The following CNTN6 variants were observed in gnomAD, a reference collection of about 807,000 sequenced individuals.
The protein encoded by CNTN6 is contactin 6, also known as contactin-6.
A neutral mutation model predicts 122.8 loss-of-function variants in CNTN6; 137 were observed. The ratio of observed to expected loss-of-function variants is 1.12; its 90% CI spans 0.97 to 1.29. The LOEUF is 1.29. CNTN6 is among the 50% of genes most tolerant of loss of function. The pLI, the probability that CNTN6 is intolerant of heterozygous loss-of-function variation, is 0.00. For missense variants in CNTN6, 1,634 were observed against 1,223.4 expected (o/e 1.34, Z -5.01); for synonymous variants, 570 against 426.0 (o/e 1.34, Z -4.16).
At chr3:1,394,011 G>A (rs1694645561) in intron 20 of CNTN6, among the ~76,000 whole-genome samples, 1 of 152,058 alleles carries the variant, frequency 6.6e-6, no homozygotes, top group African/African-American at 2.4e-5. Context: ...AGCACTGGGT[G>A]GATCTGATTG....
intron 4 of CNTN6, among the ~76,000 whole-genome samples, chr3:1,250,662 C>A (rs1368339381): frequency 6.6e-6 from 1 of 152,128 alleles, no homozygotes; most frequent in Non-Finnish European, 1.5e-5. Flanking sequence ...CGTATCTGAA[C>A]CCACTTCCCA....
At chr3:1,390,906 A>T (rs896647806) in intron 20 of CNTN6, among the ~76,000 whole-genome samples, 15 of 151,012 alleles carry the variant, frequency 9.9e-5, no homozygotes, top group Non-Finnish European at 1.3e-4. Context: ...AAATTGTGGC[A>T]ATAATCAATA....
chr3:1,206,008 TCTC>T (rs2093952939), intron 2 of CNTN6, among the ~76,000 whole-genome samples: 1 of 152,188 alleles, frequency 6.6e-6, no homozygotes, highest in South Asian at 2.1e-4. Flanking sequence ...TTAATAGTTT[TCTC>T]CTCTTTACAT....
chr3:1,195,744 C>T (rs2093767688), intron 2 of CNTN6, among the ~76,000 whole-genome samples: 1 of 152,122 alleles, frequency 6.6e-6, no homozygotes, highest in African/African-American at 2.4e-5. Flanking sequence ...ACTCTTGTGG[C>T]TATTTTGACA....
At chr3:1,173,409 T>G (rs970241291) in intron 2 of CNTN6, 1 of 388,796 alleles carries the variant, frequency 2.6e-6, no homozygotes, top group Admixed American at 3.2e-5. Flanking sequence ...CGTGAATTAT[T>G]TCATTTAATC....
In CNTN6 at chr3:1,295,449, C is replaced by T. The variant is rs537450490; in HGVS notation, c.455-152C>T. 185 of 614,420 alleles carry T rather than the reference C, an allele frequency of 3.0e-4. No homozygotes were observed. In the East Asian group the frequency reaches 4.7e-3, roughly 16 times the overall value. The allele number at this position is 614,420 out of a possible 1,614,324, so 38.1% of individuals were successfully genotyped here. A position where few individuals can be genotyped will look rare whatever the true frequency, so the allele number is the denominator to read the frequency against. On this transcript the variant is annotated intron_variant, in intron 5 of 22. Transcript: ENST00000446702. Reference sequence around the variant, plus strand: ...TATATTTCAATATAAGGGAATATTACAATTACACCAGATGACAGCTATCAA... The same window carrying T: ...TATATTTCAATATAAGGGAATATTATAATTACACCAGATGACAGCTATCAA...
chr3:1,329,983 T>A (rs886434170), intron 11 of CNTN6, 48 bp downstream of exon 11: 14 of 1,411,698 alleles, frequency 9.9e-6, no homozygotes, highest in African/African-American at 1.5e-5. Flanking sequence ...TAATATAACA[T>A]CTTCCAAATT....
At chr3:1,188,711 G>GA (rs1387002015) in intron 2 of CNTN6, among the ~76,000 whole-genome samples, 2 of 152,158 alleles carry the variant, frequency 1.3e-5, no homozygotes, top group Non-Finnish European at 1.5e-5. Context: ...AAAATACAGT[G>GA]AAAAATCTCA....
At chr3:1,102,732 A>T (rs1256625255) in intron 1 of CNTN6, among the ~76,000 whole-genome samples, 1 of 149,826 alleles carries the variant, frequency 6.7e-6, no homozygotes, top group Admixed American at 6.7e-5. Flanking sequence ...CGTCTCAAAA[A>T]ATAAATAAAT....
chr3:1,212,525 GTA>G (rs1447008666), intron 2 of CNTN6, among the ~76,000 whole-genome samples: 1 of 149,600 alleles, frequency 6.7e-6, no homozygotes, highest in Non-Finnish European at 1.5e-5. Flanking sequence ...ATATGTGTGT[GTA>G]TATATATACA....
intron 1 of CNTN6, among the ~76,000 whole-genome samples, chr3:1,114,117 C>G (rs1016946644): frequency 6.6e-6 from 1 of 152,172 alleles, no homozygotes; most frequent in Non-Finnish European, 1.5e-5. Flanking sequence ...AAAGAATACA[C>G]TCTTCGGTTC....
intron 17 of CNTN6, among the ~76,000 whole-genome samples, chr3:1,381,613 T>C (rs1691904192): frequency 6.6e-6 from 1 of 152,162 alleles, no homozygotes; most frequent in South Asian, 2.1e-4. Flanking sequence ...CAGCCCCGGC[T>C]TGAATAGTCT....
intron 4 of CNTN6, among the ~76,000 whole-genome samples, chr3:1,260,015 C>G (rs1020494744): frequency 2.6e-5 from 4 of 152,088 alleles, no homozygotes; most frequent in Non-Finnish European, 4.4e-5. Flanking sequence ...ATAAAGAGTT[C>G]TTAAGGGTCA....
At chr3:1,144,591 TAATAAAA>T (rs1005005381) in intron 1 of CNTN6, among the ~76,000 whole-genome samples, 17 of 113,910 alleles carry the variant, frequency 1.5e-4, no homozygotes, top group South Asian at 7.0e-4. Flanking sequence ...AAAATAATAA[TAATAAAA>T]AATAAAAAAT....
chr3:1,325,722 T>C, intron 8 of CNTN6, 93 bp from the exon 9 acceptor site: 1 of 1,362,778 alleles, frequency 7.3e-7, no homozygotes, highest in Non-Finnish European at 9.9e-7. Context: ...CCAGTTAGCC[T>C]TGTCCTTCTG....
At chr3:1,241,187 G>A (rs532338416) in intron 4 of CNTN6, among the ~76,000 whole-genome samples, 3 of 152,132 alleles carry the variant, frequency 2.0e-5, no homozygotes, top group African/African-American at 4.8e-5. Context: ...GGATGTATAC[G>A]TGCAAGTTAC....
intron 1 of CNTN6, among the ~76,000 whole-genome samples, chr3:1,100,755 T>C (rs776492215): frequency 6.6e-6 from 1 of 152,178 alleles, no homozygotes; most frequent in Admixed American, 6.5e-5. Flanking sequence ...ATTTCTATAA[T>C]TTATATTGCT....
At chr3:1,290,042 G>C (rs1361271899) in intron 5 of CNTN6, among the ~76,000 whole-genome samples, 1 of 152,156 alleles carries the variant, frequency 6.6e-6, no homozygotes. Context: ...TGTCACCTAG[G>C]AGCTTGTTAG....
In CNTN6 at chr3:1,360,589, T is replaced by G. The variant is rs189272182; in HGVS notation, c.1492+8138T>G. Among the ~76,000 whole-genome samples the G allele has an allele frequency of 5.5e-4, 84 of 151,902 alleles. No individual in the cohort carries two copies. In the East Asian group the frequency reaches 0.013, roughly 24 times the overall value. On this transcript the variant is annotated intron_variant, in intron 12 of 22. Coordinates refer to ENST00000446702, the MANE Select transcript of CNTN6 (RefSeq NM_001289080.2). ...ACATTCTATATATTCTATATACATG[T>G]ATGTATACACGTATTTTTTTTCTTT... is the stretch of plus-strand genomic sequence containing the variant.
Sources: allele counts gnomAD v4.1 joint callset (sites outside exome capture counted in the v4.1 genomes callset), GRCh38; gene constraint gnomAD v4.1.1; transcripts MANE v1.5; gene names NCBI Gene and HGNC (gene_info 2026-07-23, HGNC 2026-07-21).